The following ZNRF3 variants were observed in gnomAD, a reference collection of about 807,000 sequenced individuals.
The protein encoded by ZNRF3 is E3 ubiquitin-protein ligase ZNRF3.
Under a neutral mutation model 72.5 loss-of-function variants are expected in ZNRF3, and 23 were observed. That is an observed-to-expected ratio of 0.32 (90% CI 0.23 to 0.45). The LOEUF is 0.45. Ranked by LOEUF, ZNRF3 falls within the 20% of genes least tolerant of loss-of-function variation. The probability of loss-of-function intolerance (pLI) is 1.00; values close to 1 mark genes in which losing one functional copy is unlikely to be tolerated. For synonymous variants in ZNRF3, 610 were observed against 545.3 expected (o/e 1.12, Z -1.65); for missense variants, 1,169 against 1,272.1 (o/e 0.92, Z 1.23).
chr22:28,980,624 T>A (rs768486526), intron 1 of ZNRF3, among the ~76,000 whole-genome samples: 8 of 152,236 alleles, frequency 5.3e-5, no homozygotes, highest in Non-Finnish European at 1.2e-4. Context: ...TATCCCAAAG[T>A]TATTGCACAA....
intron 2 of ZNRF3, among the ~76,000 whole-genome samples, chr22:29,016,610 C>T (rs1463519422): frequency 6.6e-6 from 1 of 152,190 alleles, no homozygotes; most frequent in African/African-American, 2.4e-5. Context: ...GTATTTGTTC[C>T]TTAATATGTG....
At chr22:28,896,948 T>C (rs2034009146) in intron 1 of ZNRF3, among the ~76,000 whole-genome samples, 1 of 152,190 alleles carries the variant, frequency 6.6e-6, no homozygotes, top group African/African-American at 2.4e-5. Context: ...TCTTTGTTTT[T>C]AAAAGAGACC....
intron 2 of ZNRF3, among the ~76,000 whole-genome samples, chr22:29,038,003 T>A (rs894678833): frequency 1.8e-4 from 28 of 152,184 alleles, no homozygotes; most frequent in Non-Finnish European, 2.1e-4. Flanking sequence ...ATAACGGCCC[T>A]CTCCAGCTAC....
intron 1 of ZNRF3, among the ~76,000 whole-genome samples, chr22:28,959,820 C>T (rs963028870): frequency 2.6e-5 from 4 of 152,170 alleles, no homozygotes; most frequent in Admixed American, 1.3e-4. Context: ...CTCTCTTTCT[C>T]CCCTTGTATG....
intron 2 of ZNRF3, among the ~76,000 whole-genome samples, chr22:29,038,899 G>A (rs569740930): frequency 6.6e-6 from 1 of 152,192 alleles, no homozygotes; most frequent in East Asian, 1.9e-4. Flanking sequence ...CTTAGATCCT[G>A]TGCCTTTGCC....
At chr22:28,955,585 C>G (rs2123798828) in intron 1 of ZNRF3, among the ~76,000 whole-genome samples, 1 of 152,208 alleles carries the variant, frequency 6.6e-6, no homozygotes, top group East Asian at 1.9e-4. Flanking sequence ...CATAGCTGTG[C>G]TTTGGTTGGT....
intron 2 of ZNRF3, among the ~76,000 whole-genome samples, chr22:29,012,114 G>A (rs201636486): frequency 3.3e-5 from 5 of 152,322 alleles, no homozygotes; most frequent in East Asian, 1.9e-4. Flanking sequence ...CCCCTGCCCC[G>A]TGAGACACTC....
chr22:29,000,240 C>T (rs967643654), intron 2 of ZNRF3, among the ~76,000 whole-genome samples: 7 of 152,210 alleles, frequency 4.6e-5, no homozygotes, highest in Non-Finnish European at 8.8e-5. Context: ...AAATTCTGGT[C>T]AGCCTGAAGA....
chr22:29,029,661 C>G (rs920602898), intron 2 of ZNRF3, among the ~76,000 whole-genome samples: 2 of 152,248 alleles, frequency 1.3e-5, no homozygotes, highest in Non-Finnish European at 2.9e-5. Flanking sequence ...TAGATCAAAT[C>G]ATCTCTAGGG....
chr22:29,010,182 T>G (rs143965522), intron 2 of ZNRF3, among the ~76,000 whole-genome samples: 1,862 of 152,166 alleles, frequency 0.012, 34 homozygotes, highest in East Asian at 0.044. Flanking sequence ...GTGCTGGGAT[T>G]ACAGACATGA....
At chr22:28,922,295 G>A (rs2034525113) in intron 1 of ZNRF3, among the ~76,000 whole-genome samples, 1 of 152,058 alleles carries the variant, frequency 6.6e-6, no homozygotes, top group Non-Finnish European at 1.5e-5. Context: ...TTTTGTTTGT[G>A]TAATTTTGCT....
Position 29,049,348 on chromosome 22 carries a change from C to T in ZNRF3, c.1167C>T (p.Ser389=). The T allele has an allele frequency of 6.2e-7, 1 of 1,613,668 alleles. No homozygotes were observed. The highest frequency in any genetic ancestry group is 8.5e-7 in the Non-Finnish European group (1 of 1,180,022). The change falls in exon 8 of 9, where the codon TCC becomes TCT. Residue 389 remains serine, a synonymous_variant. Coordinates refer to ENST00000544604, the MANE Select transcript of ZNRF3 (RefSeq NM_001206998.2). The surrounding 1 kb of genome is among the most constrained non-coding windows in gnomAD (Gnocchi z 5.2). ...PAYPTRTSMD[S]HGNPVTLLTM... is the part of the protein sequence containing the mutation. ...ACCCTACGAGGACAAGCATGGACTCCCACGGCAACCCCGTCACCTTGCTGA... is the reference window on the plus strand; with the variant it reads ...ACCCTACGAGGACAAGCATGGACTCTCACGGCAACCCCGTCACCTTGCTGA...
At chr22:28,915,959 C>G (rs1441771769) in intron 1 of ZNRF3, among the ~76,000 whole-genome samples, 1 of 152,208 alleles carries the variant, frequency 6.6e-6, no homozygotes, top group African/African-American at 2.4e-5. Flanking sequence ...TGTTCACCAC[C>G]CTTCCTCCCT....
At position 28,883,980 on chromosome 22, in the gene ZNRF3, G is replaced by A; in HGVS notation, c.214G>A (p.Gly72Ser). 1 of 1,319,930 alleles carries A rather than the reference G, an allele frequency of 7.6e-7. No individual in the cohort carries two copies. The highest frequency in any genetic ancestry group is 9.8e-7 in the Non-Finnish European group (1 of 1,017,512). The allele number at this position is 1,319,930 out of a possible 1,614,324, so 81.8% of individuals were successfully genotyped here. A position where few individuals can be genotyped will look rare whatever the true frequency, so the allele number is the denominator to read the frequency against. The part of the protein sequence containing the change: ...EVVLFESSPS[G>S]DYTTYTTGLT... ...GGTGCTGTTCGAGTCGAGCCCAAGCGGCGATTACACCACCTACACCACCGG... is the reference window on the plus strand; with the variant it reads ...GGTGCTGTTCGAGTCGAGCCCAAGCAGCGATTACACCACCTACACCACCGG... The change falls in exon 1 of 9, where the codon GGC (glycine) becomes AGC (serine). Residue 72 changes from glycine to serine, a missense_variant. Physicochemically the swap from Gly to Ser is moderately conservative, Grantham distance 56. This residue lies in a region of ZNRF3 where 386 missense variants were observed against 540.7 expected (regional missense o/e 0.71). Coordinates refer to ENST00000544604, the MANE Select transcript of ZNRF3 (RefSeq NM_001206998.2). The surrounding 1 kb of genome is among the most constrained non-coding windows in gnomAD (Gnocchi z 5.5).
chr22:28,908,759 A>G (rs1388279086), intron 1 of ZNRF3, among the ~76,000 whole-genome samples: 1 of 152,196 alleles, frequency 6.6e-6, no homozygotes, highest in Admixed American at 6.5e-5. Context: ...ATACAATGAT[A>G]AGACCTGTGC....
rs2037299774 is a variant in ZNRF3, at chr22:29,056,412, C to G, written c.*2790C>G. On this transcript the variant is annotated 3_prime_UTR_variant, in exon 9 of 9. Transcript: ENST00000544604. ...CACCATGCCTGCCCAGCAATACCAA[C>G]CATTGTCTTTTAAATTCGTGTTGGC... 6.6e-6 allele frequency: 1 copy of G among 152,196 alleles called. No individual in the cohort carries two copies. Among genetic ancestry groups the G allele is most frequent in the East Asian group, 1.9e-4 (1 of 5,188 alleles). 9.4% of individuals were successfully genotyped at this position (152,196 alleles called of 1,614,324 possible). A position where few individuals can be genotyped will look rare whatever the true frequency, so the allele number is the denominator to read the frequency against.
intron 1 of ZNRF3, among the ~76,000 whole-genome samples, chr22:28,937,534 C>G (rs2034862749): frequency 6.6e-6 from 1 of 152,152 alleles, no homozygotes. Context: ...AAACCAGTTT[C>G]TGTGATCTAG....
At chr22:28,912,190 A>G (rs1297608674) in intron 1 of ZNRF3, among the ~76,000 whole-genome samples, 1 of 152,176 alleles carries the variant, frequency 6.6e-6, no homozygotes, top group Non-Finnish European at 1.5e-5. Context: ...ATATGTAACC[A>G]AGGTGAAGTT....
At chr22:28,926,728 G>A (rs2034608616) in intron 1 of ZNRF3, among the ~76,000 whole-genome samples, 1 of 151,048 alleles carries the variant, frequency 6.6e-6, no homozygotes, top group African/African-American at 2.4e-5. Flanking sequence ...GAACCTGGGA[G>A]GCGGAGGTTA....
Sources: gnomAD v4.1 joint callset for allele counts (sites outside exome capture counted in the v4.1 genomes callset) on GRCh38, gnomAD v4.1.1 for gene constraint, gnomAD v4.1.1 regional missense constraint, Gnocchi (gnomAD v3.1) non-coding constraint, MANE v1.5 for transcripts, NCBI Gene and HGNC (gene_info 2026-07-23, HGNC 2026-07-21) for gene names.